Variants in C14orf132 observed in about 807,000 individuals in gnomAD.
C14orf132 encodes chromosome 14 open reading frame 132, also known as uncharacterized protein C14orf132.
A neutral mutation model predicts 5.8 loss-of-function variants in C14orf132; 6 were observed. That is an observed-to-expected ratio of 1.03 (90% confidence interval 0.57 to 2.04). The LOEUF (loss-of-function observed/expected upper bound fraction) is 2.04. Ranked by LOEUF, C14orf132 falls within the 30% of genes most tolerant of loss-of-function variation. C14orf132 has a pLI of 0.00. For synonymous variants in C14orf132, 51 were observed against 49.8 expected (o/e 1.02, Z -0.10); for missense variants, 125 against 115.8 (o/e 1.08, Z -0.37).
At chr14:96,049,516 G>A (rs28481347) in intron 1 of C14orf132, among the ~76,000 whole-genome samples, 4 of 134,934 alleles carry the variant, frequency 3.0e-5, no homozygotes, top group African/African-American at 5.6e-5. Context: ...ACGTATATAC[G>A]TATATATATA....
chr14:96,040,328 A>T lies in C14orf132; in HGVS notation c.27+801A>T, dbSNP rs1163779304. ...CAGTCTGTGACCCTAGAGAAGACCCAGAGCTGGCTCCAGGGAAGGGCTGCG... is the reference window on the plus strand; with the variant it reads ...CAGTCTGTGACCCTAGAGAAGACCCTGAGCTGGCTCCAGGGAAGGGCTGCG... On this transcript the variant is annotated intron_variant, in intron 1 of 1. Transcript: ENST00000555004. The T allele has an allele frequency of 1.3e-5, 5 of 398,496 alleles. No individual in the cohort carries two copies. In the Admixed American group the frequency reaches 1.3e-4, roughly 11 times the overall value. 24.7% of individuals were successfully genotyped at this position (398,496 alleles called of 1,614,324 possible). A position where few individuals can be genotyped will look rare whatever the true frequency, so the allele number is the denominator to read the frequency against.
chr14:96,073,128 C>T (rs978052131), intron 1 of C14orf132, among the ~76,000 whole-genome samples: 11 of 150,832 alleles, frequency 7.3e-5, no homozygotes, highest in Admixed American at 7.3e-4. Context: ...TCCAATTTCT[C>T]ATCAGAAATT....
chr14:96,083,950 A>G (rs1378674803), intron 1 of C14orf132, among the ~76,000 whole-genome samples: 1 of 152,158 alleles, frequency 6.6e-6, no homozygotes. Flanking sequence ...CCTGGCAGGA[A>G]CCCATCAGAA....
At chr14:96,056,095 A>G (rs1274137067) in intron 1 of C14orf132, among the ~76,000 whole-genome samples, 1 of 152,238 alleles carries the variant, frequency 6.6e-6, no homozygotes, top group Non-Finnish European at 1.5e-5. Flanking sequence ...TAAAGACTTT[A>G]TGATGCAATT....
At position 96,086,619 on chromosome 14, in the gene C14orf132, G is replaced by A. The variant is rs1363105822; in HGVS notation, c.136G>A (p.Gly46Ser). ...TGTCCACGCGGCTGCCAATGGCCAGGGCCAGCCGGAAGATCCTCCTCGGTC... is the reference window on the plus strand; with the variant it reads ...TGTCCACGCGGCTGCCAATGGCCAGAGCCAGCCGGAAGATCCTCCTCGGTC... Reference protein sequence around the residue: ...ANVHAAANGQGQPEDPPRSSN... With the variant: ...ANVHAAANGQSQPEDPPRSSN... Residue 46 changes from glycine to serine, a missense_variant, in exon 2 of 2, where the codon GGC (glycine) becomes AGC (serine). Coordinates refer to ENST00000555004, the MANE Select transcript of C14orf132 (RefSeq NM_001252507.3). 39 of 1,535,994 alleles carry A rather than the reference G, an allele frequency of 2.5e-5. No homozygotes were observed. Among genetic ancestry groups the A allele is most frequent in the Non-Finnish European group, 3.3e-5 (38 of 1,146,918 alleles).
rs558849867 is a variant in C14orf132, at chr14:96,072,134, G to A, written c.28-14377G>A. On this transcript the variant is annotated intron_variant, in intron 1 of 1. Coordinates refer to ENST00000555004, the MANE Select transcript of C14orf132 (RefSeq NM_001252507.3). ...CTGGGACTCAGGGAGCCGTGCCCACGCTGTTGGAGAATCCTTCCGAGCACT... is the reference window on the plus strand; with the variant it reads ...CTGGGACTCAGGGAGCCGTGCCCACACTGTTGGAGAATCCTTCCGAGCACT... 2.0e-5 allele frequency among the ~76,000 whole-genome samples: 3 copies of A among 152,222 alleles called. No individual in the cohort carries two copies. In the South Asian group the frequency reaches 6.2e-4, roughly 31 times the overall value.
intron 1 of C14orf132, among the ~76,000 whole-genome samples, chr14:96,051,701 C>T (rs1232610206): frequency 6.6e-6 from 1 of 152,200 alleles, no homozygotes; most frequent in Non-Finnish European, 1.5e-5. Flanking sequence ...TGACCTCCTG[C>T]CAATCCTTCT....
In C14orf132 at chr14:96,091,341, C is replaced by A. The variant is rs1888398722; in HGVS notation, c.*4606C>A. 2 of 306,272 alleles carry A rather than the reference C, an allele frequency of 6.5e-6. No individual in the cohort carries two copies. Among genetic ancestry groups the A allele is most frequent in the African/African-American group, 4.4e-5 (2 of 45,934 alleles). 19.0% of individuals were successfully genotyped at this position (306,272 alleles called of 1,614,324 possible). On this transcript the variant is annotated 3_prime_UTR_variant, in exon 2 of 2. Transcript: ENST00000555004. ...GCACAGGGATTTATCAGTTCCAGAA[C>A]CTCACAGTGATAAGAGGCTTTAGAG...
chr14:96,043,818 G>T (rs953840619), intron 1 of C14orf132, among the ~76,000 whole-genome samples: 1 of 152,168 alleles, frequency 6.6e-6, no homozygotes, highest in Non-Finnish European at 1.5e-5. Flanking sequence ...ACACAGTATC[G>T]ATTCAGCAAC....
At chr14:96,042,897 T>C (rs1886731560) in intron 1 of C14orf132, among the ~76,000 whole-genome samples, 1 of 152,206 alleles carries the variant, frequency 6.6e-6, no homozygotes, top group African/African-American at 2.4e-5. Context: ...AGGCCATTCA[T>C]TTCTCTTAGG....
At chr14:96,072,915 A>G (rs1251355693) in intron 1 of C14orf132, among the ~76,000 whole-genome samples, 1 of 152,238 alleles carries the variant, frequency 6.6e-6, no homozygotes, top group Non-Finnish European at 1.5e-5. Flanking sequence ...AGTGTAGGGC[A>G]GCTATGAATA....
chr14:96,087,163 C>T lies in C14orf132; in HGVS notation c.*428C>T, dbSNP rs1293342216. 1 of 189,052 alleles carries T rather than the reference C, an allele frequency of 5.3e-6. No individual in the cohort carries two copies. Among genetic ancestry groups the T allele is most frequent in the African/African-American group, 2.4e-5 (1 of 42,160 alleles). The allele number at this position is 189,052 out of a possible 1,614,324, so 11.7% of individuals were successfully genotyped here. A position where few individuals can be genotyped will look rare whatever the true frequency, so the allele number is the denominator to read the frequency against. ...GGGGTGCTGGGGCAAGAGCAGCCCT[C>T]AGAACTTCAGTGTTCCTGACCCAAT... is the stretch of plus-strand genomic sequence containing the variant. On this transcript the variant is annotated 3_prime_UTR_variant, in exon 2 of 2. Coordinates refer to ENST00000555004, the MANE Select transcript of C14orf132 (RefSeq NM_001252507.3).
At position 96,086,508 on chromosome 14, in the gene C14orf132, C is replaced by T. The variant is rs181826765; in HGVS notation, c.28-3C>T. On this transcript the variant is annotated splice_polypyrimidine_tract_variant and splice_region_variant and intron_variant, in intron 1 of 1. Transcript: ENST00000555004. ...GGATAATTCTCTCTCTCCTTCTTTG[C>T]AGCTGCCCATGATGGGGGGAGCTTT... 25 of 1,535,946 alleles carry T rather than the reference C, an allele frequency of 1.6e-5. No homozygotes were observed. In the African/African-American group the frequency reaches 2.5e-4, roughly 15 times the overall value.
chr14:96,047,894 A>T (rs977497947), intron 1 of C14orf132, among the ~76,000 whole-genome samples: 22 of 152,212 alleles, frequency 1.4e-4, no homozygotes, highest in Admixed American at 1.4e-3. Flanking sequence ...ACACATCAGA[A>T]TCCTCCAAAG....
chr14:96,057,267 T>C (rs537497338), intron 1 of C14orf132, among the ~76,000 whole-genome samples: 1 of 152,324 alleles, frequency 6.6e-6, no homozygotes, highest in African/African-American at 2.4e-5. Context: ...TCCCTTGCAC[T>C]TTGTGAGGAC....
At chr14:96,056,590 A>G (rs749855704) in intron 1 of C14orf132, among the ~76,000 whole-genome samples, 4 of 151,440 alleles carry the variant, frequency 2.6e-5, no homozygotes, top group Non-Finnish European at 5.9e-5. Context: ...GGGGATAATG[A>G]CCTCTCCTGG....
chr14:96,067,161 T>A (rs1024672442), intron 1 of C14orf132, among the ~76,000 whole-genome samples: 13 of 152,154 alleles, frequency 8.5e-5, no homozygotes, highest in African/African-American at 3.1e-4. Flanking sequence ...GGAGAGGAAG[T>A]GAGCATAGAT....
chr14:96,049,093 T>A (rs748370778), intron 1 of C14orf132, among the ~76,000 whole-genome samples: 1 of 151,980 alleles, frequency 6.6e-6, no homozygotes, highest in Non-Finnish European at 1.5e-5. Flanking sequence ...TCCAGCTAAT[T>A]TTTTGTATTT....
intron 1 of C14orf132, among the ~76,000 whole-genome samples, chr14:96,055,245 G>A (rs1287279084): frequency 6.6e-6 from 1 of 152,214 alleles, no homozygotes; most frequent in African/African-American, 2.4e-5. Flanking sequence ...CCATGGGTTT[G>A]TGTGACAGCT....
Sources: allele counts gnomAD v4.1 joint callset (sites outside exome capture counted in the v4.1 genomes callset), GRCh38; gene constraint gnomAD v4.1.1; transcripts MANE v1.5; gene names NCBI Gene and HGNC (gene_info 2026-07-23, HGNC 2026-07-21).